Variants in CABLES1 observed in about 807,000 individuals in gnomAD.
CABLES1 encodes CDK5 and ABL1 enzyme substrate 1.
In CABLES1, 36 loss-of-function variants were observed where a neutral mutation model predicts 57.8. The ratio of observed to expected loss-of-function variants is 0.62; its 90% confidence interval spans 0.48 to 0.82. The LOEUF is 0.82. Ranked by LOEUF, CABLES1 falls within the 40% of genes least tolerant of loss-of-function variation. The pLI is 0.00. For missense variants in CABLES1, 767 were observed against 836.6 expected (o/e 0.92, Z 1.03); for synonymous variants, 374 against 363.0 (o/e 1.03, Z -0.35).
chr18:23,239,366 CTA>C (rs1355378836), intron 7 of CABLES1, among the ~76,000 whole-genome samples: 1 of 152,202 alleles, frequency 6.6e-6, no homozygotes, highest in Non-Finnish European at 1.5e-5. Flanking sequence ...TCCTGGAGAC[CTA>C]TGTTTCCTAT....
chr18:23,183,741 C>G (rs1237825638), intron 1 of CABLES1, among the ~76,000 whole-genome samples: 1 of 152,174 alleles, frequency 6.6e-6, no homozygotes, highest in East Asian at 1.9e-4. Context: ...TGGTCCAAGG[C>G]TAAGTGTTCT....
At chr18:23,147,724 C>G (rs931585989) in intron 1 of CABLES1, among the ~76,000 whole-genome samples, 4 of 152,180 alleles carry the variant, frequency 2.6e-5, no homozygotes, top group Middle Eastern at 3.2e-3. Context: ...CAAAATAAAG[C>G]AAGGTAGGGG....
At chr18:23,243,032 G>T (rs2145101000) in intron 7 of CABLES1, among the ~76,000 whole-genome samples, 1 of 150,082 alleles carries the variant, frequency 6.7e-6, no homozygotes, top group African/African-American at 2.4e-5. Context: ...TATAAATATA[G>T]ATAAGTTATA....
intron 1 of CABLES1, among the ~76,000 whole-genome samples, chr18:23,174,163 A>C (rs1007364981): frequency 1.3e-5 from 2 of 152,020 alleles, no homozygotes; most frequent in Non-Finnish European, 2.9e-5. Context: ...TTCTCTCTCT[A>C]TAGACTTGCC....
intron 1 of CABLES1, among the ~76,000 whole-genome samples, chr18:23,171,834 C>T (rs1040622836): frequency 2.0e-5 from 3 of 152,228 alleles, no homozygotes; most frequent in Non-Finnish European, 4.4e-5. Flanking sequence ...CAGAGCTTGC[C>T]TGCATTCCGA....
chr18:23,180,543 G>A (rs185456937), intron 1 of CABLES1, among the ~76,000 whole-genome samples: 1 of 152,102 alleles, frequency 6.6e-6, no homozygotes, highest in Admixed American at 6.5e-5. Flanking sequence ...TAGAGACAGG[G>A]TCTCACTCTG....
intron 3 of CABLES1, among the ~76,000 whole-genome samples, chr18:23,208,781 G>A (rs1381123588): frequency 6.6e-6 from 1 of 152,176 alleles, no homozygotes; most frequent in African/African-American, 2.4e-5. Context: ...AAGCGCGGGG[G>A]CCATGTTCCC....
chr18:23,138,618 C>CGCCGCTTT (rs1362366531), intron 1 of CABLES1, among the ~76,000 whole-genome samples: 2 of 152,214 alleles, frequency 1.3e-5, no homozygotes, highest in Non-Finnish European at 2.9e-5. Flanking sequence ...GCCAACACCA[C>CGCCGCTTT]GCCGCTTGTC....
chr18:23,239,727 C>T (rs573979302), intron 7 of CABLES1, among the ~76,000 whole-genome samples: 4 of 152,314 alleles, frequency 2.6e-5, no homozygotes, highest in African/African-American at 9.6e-5. Flanking sequence ...GCCACAACCC[C>T]TCTTCTCCTC....
chr18:23,137,012 G>C (rs2046827605), intron 1 of CABLES1, among the ~76,000 whole-genome samples: 1 of 152,246 alleles, frequency 6.6e-6, no homozygotes, highest in South Asian at 2.1e-4. Context: ...AGTGCAGGCC[G>C]GCAGCTGAGC....
intron 1 of CABLES1, among the ~76,000 whole-genome samples, chr18:23,163,542 C>CT (rs2047019838): frequency 6.6e-6 from 1 of 151,806 alleles, no homozygotes; most frequent in South Asian, 2.1e-4. Context: ...GTCAGGGAAG[C>CT]CTGGGGGGCT....
At chr18:23,172,561 C>T (rs1029198041) in intron 1 of CABLES1, among the ~76,000 whole-genome samples, 1 of 152,164 alleles carries the variant, frequency 6.6e-6, no homozygotes, top group African/African-American at 2.4e-5. Flanking sequence ...TGGTTGAAAA[C>T]CATGTCTCCC....
rs146753789 is a variant in CABLES1, at chr18:23,252,560, T to G, written c.1447-400T>G. ...TTGAGATTTGGGGTGATTTGAAGTC[T>G]CCCAAAGCCGTCAGACTAGTGAATG... On this transcript the variant is annotated intron_variant, in intron 7 of 9. Coordinates refer to ENST00000256925, the MANE Select transcript of CABLES1 (RefSeq NM_001100619.3). Among the ~76,000 whole-genome samples, 45 of 152,208 alleles carry G rather than the reference T, an allele frequency of 3.0e-4. No homozygotes were observed. The East Asian group carries it at 8.3e-3, about 28-fold the overall frequency.
At chr18:23,182,271 T>C (rs1048356449) in intron 1 of CABLES1, among the ~76,000 whole-genome samples, 4 of 152,242 alleles carry the variant, frequency 2.6e-5, no homozygotes, top group African/African-American at 7.2e-5. Context: ...TGCTCCAGGC[T>C]AACTAGCTCT....
intron 4 of CABLES1, among the ~76,000 whole-genome samples, chr18:23,225,182 T>C (rs935651093): frequency 3.3e-5 from 5 of 152,240 alleles, no homozygotes; most frequent in African/African-American, 9.6e-5. Context: ...AGAGCTATTA[T>C]GTTGCTCTTT....
At chr18:23,185,355 G>A (rs895142646) in intron 1 of CABLES1, among the ~76,000 whole-genome samples, 3 of 152,154 alleles carry the variant, frequency 2.0e-5, no homozygotes, top group African/African-American at 4.8e-5. Flanking sequence ...CCTGAAGGAC[G>A]CAGGGGCTTC....
intron 3 of CABLES1, among the ~76,000 whole-genome samples, chr18:23,210,369 G>A (rs1002732859): frequency 3.3e-5 from 5 of 152,164 alleles, no homozygotes; most frequent in Non-Finnish European, 5.9e-5. Flanking sequence ...GAAGAGAACC[G>A]CCGTGGTTGG....
At chr18:23,135,273 G>A (rs2046809042), upstream of CABLES1, among the ~76,000 whole-genome samples, 1 of 151,982 alleles carries the variant, frequency 6.6e-6, no homozygotes, top group Admixed American at 6.5e-5. Flanking sequence ...CCGATCCCCC[G>A]CCCCACCACC....
chr18:23,215,233 G>C (rs1233334309), intron 4 of CABLES1, among the ~76,000 whole-genome samples: 1 of 152,204 alleles, frequency 6.6e-6, no homozygotes, highest in South Asian at 2.1e-4. Flanking sequence ...CTAGTGGCCA[G>C]TGGGCTGCCC....
Sources: gnomAD v4.1 joint callset for allele counts (sites outside exome capture counted in the v4.1 genomes callset) on GRCh38, gnomAD v4.1.1 for gene constraint, MANE v1.5 for transcripts, NCBI Gene and HGNC (gene_info 2026-07-23, HGNC 2026-07-21) for gene names.